Variants in E2F7 observed in about 807,000 individuals in gnomAD.
E2F7 encodes the protein E2F transcription factor 7, also known as transcription factor E2F7.
E2F7 carries 35 observed loss-of-function variants against 81.1 expected under a neutral mutation model. The ratio of observed to expected loss-of-function variants is 0.43; its 90% CI spans 0.33 to 0.57. The LOEUF (loss-of-function observed/expected upper bound fraction) is 0.57, where lower values mean the gene tolerates loss of function less well. Among genes scored for constraint, E2F7 ranks in the 20% least tolerant of loss-of-function variants. The pLI is 0.04. For missense variants in E2F7, 961 were observed against 1,093.7 expected, an observed-to-expected ratio of 0.88 and a Z score of 1.71; for synonymous variants, 416 against 416.2, an observed-to-expected ratio of 1.00 and a Z score of 0.01.
At chr12:77,045,853 CA>C in intron 5 of E2F7, 184 bp downstream of exon 5, 1 of 710,288 alleles carries the variant, frequency 1.4e-6, no homozygotes, top group Non-Finnish European at 2.2e-6. Flanking sequence ...AGGTTTATTT[CA>C]ATGAGGTCAA....
intron 2 of E2F7, among the ~76,000 whole-genome samples, chr12:77,060,989 T>C (rs1955073515): frequency 6.6e-6 from 1 of 152,224 alleles, no homozygotes; most frequent in South Asian, 2.1e-4. Flanking sequence ...TATAGAACTC[T>C]CAGCCCTTAA....
At chr12:77,036,588 G>A (rs1954851459) in intron 7 of E2F7, among the ~76,000 whole-genome samples, 1 of 151,752 alleles carries the variant, frequency 6.6e-6, no homozygotes, top group African/African-American at 2.4e-5. Context: ...AATCTTCAAC[G>A]CAAAATTCTT....
intron 4 of E2F7, among the ~76,000 whole-genome samples, chr12:77,047,195 G>A (rs139285915): frequency 2.0e-5 from 3 of 152,256 alleles, no homozygotes; most frequent in South Asian, 2.1e-4. Context: ...TGTTAAGGGT[G>A]GGGGGCTCTT....
intron 3 of E2F7, among the ~76,000 whole-genome samples, chr12:77,053,829 A>G (rs1230345585): frequency 6.6e-6 from 1 of 152,208 alleles, no homozygotes; most frequent in East Asian, 1.9e-4. Context: ...CTATAAATAC[A>G]AATTCAGAAG....
At chr12:77,044,847 A>C in intron 5 of E2F7, 52 bp from the exon 6 acceptor site, 2 of 1,586,564 alleles carry the variant, frequency 1.3e-6, no homozygotes, top group Non-Finnish European at 1.7e-6. Context: ...TCTACAAGAA[A>C]GACTATACTT....
intron 9 of E2F7, among the ~76,000 whole-genome samples, chr12:77,031,227 G>A (rs1184838272): frequency 2.6e-5 from 4 of 151,878 alleles, no homozygotes; most frequent in African/African-American, 7.3e-5. Context: ...ATAAGAAAAT[G>A]AAATAAATAA....
In E2F7 at chr12:77,050,581, C is replaced by T. The variant is rs1403770337; in HGVS notation, c.533G>A (p.Ser178Asn). Reference protein sequence around the residue: ...TTISLDEVAVSLGVERRRIYD... With the variant: ...TTISLDEVAVNLGVERRRIYD... ...GGTAATCTGATGATACATACCAAGA[C>T]TGACAGCAACTTCATCTAGGGAGAT... Residue 178 changes from serine to asparagine, a missense_variant, in exon 4 of 13, where the codon AGT becomes AAT. Ser to Asn is a conservative substitution (Grantham distance 46, BLOSUM62 1). Transcript: ENST00000322886. 1.2e-6 allele frequency: 2 copies of T among 1,613,830 alleles called. No homozygotes were observed. Among genetic ancestry groups the T allele is most frequent in the African/African-American group, 1.3e-5 (1 of 74,916 alleles).
intron 2 of E2F7, among the ~76,000 whole-genome samples, chr12:77,059,900 T>G (rs1163666098): frequency 6.7e-6 from 1 of 149,894 alleles, no homozygotes; most frequent in Non-Finnish European, 1.5e-5. Flanking sequence ...GAGGCAGAGC[T>G]TGCAGTGAGC....
At chr12:77,050,782 C>T (rs758042651) in intron 3 of E2F7, 38 bp from the exon 4 acceptor site, 2 of 1,600,532 alleles carry the variant, frequency 1.2e-6, no homozygotes, top group South Asian at 1.1e-5. Flanking sequence ...GAAGATGTCA[C>T]AGTTAACATC....
intron 7 of E2F7, among the ~76,000 whole-genome samples, chr12:77,039,015 T>C (rs943455277): frequency 2.0e-5 from 3 of 152,192 alleles, no homozygotes; most frequent in African/African-American, 7.2e-5. Flanking sequence ...TGACACCAAA[T>C]AGACAAACAG....
chr12:77,040,929 T>C (rs867808746), intron 7 of E2F7, among the ~76,000 whole-genome samples: 2 of 152,218 alleles, frequency 1.3e-5, no homozygotes, highest in Non-Finnish European at 2.9e-5. Context: ...AAGACATTTA[T>C]GAAATTTGTG....
chr12:77,030,201 G>A lies in E2F7; in HGVS notation c.1514C>T (p.Ala505Val). Reference sequence around the variant, plus strand: ...GGAGAATGCCTGCAGGTCCGTCTGAGCAACAGAAAATACTGGGTGGGCTAA... The same window carrying A: ...GGAGAATGCCTGCAGGTCCGTCTGAACAACAGAAAATACTGGGTGGGCTAA... ...NPLAHPVFSV[A>V]QTDLQAFSMQ... The change falls in exon 10 of 13, where the codon GCT becomes GTT. Residue 505 changes from alanine to valine, a missense_variant. Coordinates refer to ENST00000322886, the MANE Select transcript of E2F7 (RefSeq NM_203394.3). The A allele has an allele frequency of 1.2e-6, 2 of 1,614,164 alleles. No homozygotes were observed.
intron 7 of E2F7, among the ~76,000 whole-genome samples, chr12:77,038,961 G>C (rs1954875124): frequency 6.6e-6 from 1 of 152,188 alleles, no homozygotes; most frequent in Non-Finnish European, 1.5e-5. Context: ...AAACTGAAGA[G>C]GAGTAACTAC....
rs1954827895 is a variant in E2F7, at chr12:77,033,981, G to A, written c.1185C>T (p.Gly395=). Residue 395 remains glycine, a synonymous_variant, in exon 8 of 13, where the codon GGC becomes GGT. Coordinates refer to ENST00000322886, the MANE Select transcript of E2F7 (RefSeq NM_203394.3). ...TCTGTTTTGCACAGACTTGAATCTG[G>A]CCATATGTTTCTCTTTTCAATTCTG... is the stretch of plus-strand genomic sequence containing the variant. ...VLPELKRETY[G]QIQVCAKQKL... is the part of the protein sequence containing the mutation. 1.2e-6 allele frequency: 2 copies of A among 1,614,120 alleles called. No individual in the cohort carries two copies. Among genetic ancestry groups the A allele is most frequent in the East Asian group, 2.2e-5 (1 of 44,872 alleles).
chr12:77,032,032 C>A (rs1954811924), intron 9 of E2F7, among the ~76,000 whole-genome samples: 1 of 152,218 alleles, frequency 6.6e-6, no homozygotes, highest in Admixed American at 6.5e-5. Flanking sequence ...TTAGCGAGCC[C>A]TGCCAACTCA....
chr12:77,054,761 T>G (rs1197294804), intron 3 of E2F7, among the ~76,000 whole-genome samples: 1 of 152,170 alleles, frequency 6.6e-6, no homozygotes, highest in East Asian at 1.9e-4. Context: ...CTTTGCTATA[T>G]TTTTGTCAAA....
chr12:77,056,259 T>G, intron 2 of E2F7, 129 bp from the exon 3 acceptor site: 2 of 997,838 alleles, frequency 2.0e-6, no homozygotes, highest in Middle Eastern at 3.2e-4. Context: ...CTGAAAAGTA[T>G]CAGGATAGGA....
intron 11 of E2F7, among the ~76,000 whole-genome samples, chr12:77,026,794 T>C (rs555690457): frequency 7.2e-5 from 11 of 152,228 alleles, no homozygotes; most frequent in African/African-American, 1.4e-4. Context: ...TTTGACACTA[T>C]TGGGCTTGCT....
Position 77,030,396 on chromosome 12 carries a change from C to T in E2F7, c.1383-64G>A, listed in dbSNP as rs1954797172. On this transcript the variant is annotated intron_variant, in intron 9 of 12. Coordinates refer to ENST00000322886, the MANE Select transcript of E2F7 (RefSeq NM_203394.3). ...TACCAACTCCTGACCCTTTACTTTC[C>T]CAAAGACAGCCATGCCAAATCAAGA... 2.0e-6 allele frequency: 3 copies of T among 1,495,962 alleles called. No homozygotes were observed. In the Admixed American group the frequency reaches 6.8e-5, roughly 34 times the overall value. The allele number at this position is 1,495,962 out of a possible 1,614,324, so 92.7% of individuals were successfully genotyped here.
Sources: allele counts gnomAD v4.1 joint callset (sites outside exome capture counted in the v4.1 genomes callset), GRCh38; gene constraint gnomAD v4.1.1; transcripts MANE v1.5; gene names NCBI Gene and HGNC (gene_info 2026-07-23, HGNC 2026-07-21).